The following RNF213 variants were observed in gnomAD, a reference collection of about 807,000 sequenced individuals.
RNF213 encodes the protein ring finger protein 213.
A neutral mutation model predicts 514.4 loss-of-function variants in RNF213; 341 were observed. The observed-to-expected ratio is 0.66, with a 90% CI of 0.61 to 0.73. The LOEUF (loss-of-function observed/expected upper bound fraction) is 0.73. Among genes scored for constraint, RNF213 ranks in the 30% least tolerant of loss-of-function variants. The probability of loss-of-function intolerance (pLI) is 0.00; values close to 1 mark genes in which losing one functional copy is unlikely to be tolerated. For missense variants in RNF213, 5,767 were observed against 6,615.6 expected, an observed-to-expected ratio of 0.87 and a Z score of 4.45; for synonymous variants, 2,655 against 2,658.2, an observed-to-expected ratio of 1.00 and a Z score of 0.04.
chr17:80,322,781 A>G (rs1247386799), intron 17 of RNF213, among the ~76,000 whole-genome samples: 1 of 152,064 alleles, frequency 6.6e-6, no homozygotes, highest in Non-Finnish European at 1.5e-5. Flanking sequence ...TTCTATATAC[A>G]AGTCACTTGT....
chr17:80,328,363 G>T lies in RNF213; in HGVS notation c.3403G>T (p.Ala1135Ser). 1.3e-6 allele frequency: 2 copies of T among 1,537,170 alleles called. No homozygotes were observed. The highest frequency in any genetic ancestry group is 1.2e-5 in the South Asian group (1 of 84,058). Residue 1135 changes from alanine to serine, a missense_variant, in exon 20 of 68, where the codon GCT becomes TCT. Physicochemically the swap from Ala to Ser is moderately conservative, Grantham distance 99 (BLOSUM62 1). Transcript: ENST00000582970. ...KSLSPQDEQC[A>S]VEEALDWRRE... ...TCTTTCACCCCAGGATGAACAATGT[G>T]CTGTGGAGGAAGCACTGGATTGGAG...
intron 61 of RNF213, among the ~76,000 whole-genome samples, chr17:80,385,993 C>T (rs978669708): frequency 6.6e-6 from 1 of 152,192 alleles, no homozygotes; most frequent in African/African-American, 2.4e-5. Context: ...ACTTGTGTCT[C>T]TTTTGATGGT....
chr17:80,273,338 G>A lies in RNF213; in HGVS notation c.195G>A (p.Pro65=), dbSNP rs370520790. Residue 65 remains proline, a synonymous_variant, in exon 3 of 68, where the codon CCG becomes CCA. Transcript: ENST00000582970. The part of the protein sequence containing the change: ...LKEEGGPCLF[P]GSDSWQENPE... ...AGGAAGGGGGCCCGTGCTTGTTCCC[G>A]GGCTCAGACAGTTGGCAAGAAAACC... 1.2e-5 allele frequency: 19 copies of A among 1,613,326 alleles called. No homozygotes were observed. Among genetic ancestry groups the A allele is most frequent in the African/African-American group, 5.3e-5 (4 of 74,896 alleles).
rs1373056868 is a variant in RNF213 at position 80,263,574 on chromosome 17, A to G, written c.-108A>G. ...GGCTGCTGTGATTTCACTTTCGCAG[A>G]AAATGAAACTGAAGCCGTGGTCACG... is the stretch of plus-strand genomic sequence containing the variant. On this transcript the variant is annotated splice_region_variant and 5_prime_UTR_variant, in exon 2 of 68. Transcript: ENST00000582970. The surrounding 1 kb of genome is among the most constrained non-coding windows in gnomAD (Gnocchi z 4.9). 2.3e-5 allele frequency: 22 copies of G among 949,278 alleles called. No individual in the cohort carries two copies. The highest frequency in any genetic ancestry group is 3.6e-5 in the Non-Finnish European group (21 of 577,344). 58.8% of individuals were successfully genotyped at this position (949,278 alleles called of 1,614,324 possible).
intron 3 of RNF213, among the ~76,000 whole-genome samples, chr17:80,281,142 A>G (rs78063795): frequency 0.11 from 7,384 of 65,632 alleles, 672 homozygotes; most frequent in African/African-American, 0.29. Context: ...CCCACACCCC[A>G]CTCACACCAC....
Position 80,381,632 on chromosome 17 carries a change from C to T in RNF213, c.13883C>T (p.Ala4628Val). 3 of 1,614,232 alleles carry T rather than the reference C, an allele frequency of 1.9e-6. No individual in the cohort carries two copies. Among genetic ancestry groups the T allele is most frequent in the Non-Finnish European group, 2.5e-6 (3 of 1,180,036 alleles). The change falls in exon 57 of 68, where the codon GCC becomes GTC. Residue 4628 changes from alanine (A) to valine (V), a missense_variant. Physicochemically the swap from Ala to Val is moderately conservative, Grantham distance 64 (BLOSUM62 0). Coordinates refer to ENST00000582970, the MANE Select transcript of RNF213 (RefSeq NM_001256071.3). ...ATCCTGAAGGACCTGGAGCAGTTGG[C>T]CAAGATGCTGGGACACAGTGCCGAC... is the stretch of plus-strand genomic sequence containing the variant. ...QHILKDLEQL[A>V]KMLGHSADET...
intron 3 of RNF213, among the ~76,000 whole-genome samples, chr17:80,285,544 T>C (rs2044440118): frequency 6.6e-6 from 1 of 152,192 alleles, no homozygotes; most frequent in Non-Finnish European, 1.5e-5. Context: ...GGCCTCTTGC[T>C]TCCCCCTCTC....
chr17:80,319,783 CT>C, intron 17 of RNF213: 2 of 1,252,034 alleles, frequency 1.6e-6, no homozygotes, highest in Non-Finnish European at 2.0e-6. Flanking sequence ...TTGTGCCCCC[CT>C]GTCTCCCAGG....
In RNF213 at chr17:80,291,857, C is replaced by A. The variant is rs758714165; in HGVS notation, c.1471+30C>A. On this transcript the variant is annotated intron_variant, in intron 8 of 67. Transcript: ENST00000582970. ...GTCGTGGCAGCAGGCTGTCTGCTCA[C>A]CCCTCCGGAGTGCAGGTGCCAATCC... 6 of 1,612,310 alleles carry A rather than the reference C, an allele frequency of 3.7e-6. No individual in the cohort carries two copies. In the Admixed American group the frequency reaches 1.0e-4, roughly 27 times the overall value.
chr17:80,339,187 T>G lies in RNF213; in HGVS notation c.4834-14T>G. On this transcript the variant is annotated splice_polypyrimidine_tract_variant and intron_variant, in intron 25 of 67. Coordinates refer to ENST00000582970, the MANE Select transcript of RNF213 (RefSeq NM_001256071.3). ...ATGGCTCTGTGAGCCAACCTCATGGTTCTGCCTCTCCAGGTCTTCTGCAGT... is the reference window on the plus strand; with the variant it reads ...ATGGCTCTGTGAGCCAACCTCATGGGTCTGCCTCTCCAGGTCTTCTGCAGT... The G allele has an allele frequency of 6.8e-7, 1 of 1,462,538 alleles. No individual in the cohort carries two copies. Among genetic ancestry groups the G allele is most frequent in the Non-Finnish European group, 9.0e-7 (1 of 1,109,230 alleles). 90.6% of individuals were successfully genotyped at this position (1,462,538 alleles called of 1,614,324 possible). A position where few individuals can be genotyped will look rare whatever the true frequency, so the allele number is the denominator to read the frequency against.
At chr17:80,296,240 G>A (rs566271892) in intron 10 of RNF213, among the ~76,000 whole-genome samples, 1 of 152,062 alleles carries the variant, frequency 6.6e-6, no homozygotes, top group Non-Finnish European at 1.5e-5. Context: ...GGCTGGTTTC[G>A]AACTCCTGAC....
At position 80,336,576 on chromosome 17, in the gene RNF213, A is replaced by G. The variant is rs2077993125; in HGVS notation, c.4527+198A>G. 9 of 668,786 alleles carry G rather than the reference A, an allele frequency of 1.3e-5. No homozygotes were observed. The East Asian group carries it at 2.0e-4, about 15-fold the overall frequency. 41.4% of individuals were successfully genotyped at this position (668,786 alleles called of 1,614,324 possible). On this transcript the variant is annotated intron_variant, in intron 23 of 67. Coordinates refer to ENST00000582970, the MANE Select transcript of RNF213 (RefSeq NM_001256071.3). ...CCTAGAAAGCAGGATACAAAATTAC[A>G]TGACACATAGTAATCTCTAAGGTGC...
intron 56 of RNF213, 55 bp from the exon 57 acceptor site, chr17:80,381,492 C>T: frequency 1.3e-6 from 2 of 1,587,218 alleles, no homozygotes; most frequent in Middle Eastern, 3.3e-4. Context: ...CCAGGCTCAC[C>T]ATCTTCTCTA....
chr17:80,268,483 T>C (rs1249986035), intron 2 of RNF213, among the ~76,000 whole-genome samples: 1 of 152,050 alleles, frequency 6.6e-6, no homozygotes, highest in Non-Finnish European at 1.5e-5. Context: ...ATTTGGCCTT[T>C]GTGGAAGACG....
At chr17:80,295,931 C>A in intron 10 of RNF213, 118 bp downstream of exon 10, 2 of 1,112,140 alleles carry the variant, frequency 1.8e-6, no homozygotes, top group Non-Finnish European at 2.7e-6. Flanking sequence ...TAAAACCACC[C>A]GTGATTTTAC....
In RNF213 at chr17:80,395,624, GGACA is replaced by G. The variant is rs1254632886; in HGVS notation, c.*2127_*2130del. On this transcript the variant is annotated 3_prime_UTR_variant, in exon 68 of 68. Transcript: ENST00000582970. The stretch of plus-strand genomic sequence containing the variant: ...ATGCCCTGCCTGAAATGACTTCACT[GGACA>G]CAGCGGGGCTGCAGCTAACGGGGTA... The G allele has an allele frequency of 1.3e-5, 2 of 152,322 alleles. No homozygotes were observed. Among genetic ancestry groups the G allele is most frequent in the African/African-American group, 4.8e-5 (2 of 41,454 alleles). 9.4% of individuals were successfully genotyped at this position (152,322 alleles called of 1,614,324 possible). A position where few individuals can be genotyped will look rare whatever the true frequency, so the allele number is the denominator to read the frequency against.
intron 3 of RNF213, among the ~76,000 whole-genome samples, chr17:80,274,979 T>TGG (rs1567998564): frequency 1.3e-5 from 1 of 74,638 alleles, no homozygotes; most frequent in Non-Finnish European, 2.6e-5. Context: ...GGTGTGTGTG[T>TGG]TGGATGTGTG....
chr17:80,265,876 C>T (rs757507619), intron 2 of RNF213, among the ~76,000 whole-genome samples: 3 of 151,856 alleles, frequency 2.0e-5, no homozygotes, highest in Non-Finnish European at 4.4e-5. Context: ...TTGAGACCAG[C>T]CTGGGCAATG....
intron 46 of RNF213, among the ~76,000 whole-genome samples, chr17:80,370,319 C>T (rs750045049): frequency 1.3e-5 from 2 of 152,218 alleles, no homozygotes; most frequent in Non-Finnish European, 2.9e-5. Flanking sequence ...AGAATAGTAT[C>T]ACCTGTGGTA....
Sources: allele counts gnomAD v4.1 joint callset (sites outside exome capture counted in the v4.1 genomes callset), GRCh38; gene constraint gnomAD v4.1.1; non-coding constraint Gnocchi (gnomAD v3.1); transcripts MANE v1.5; gene names NCBI Gene and HGNC (gene_info 2026-07-23, HGNC 2026-07-21).